The following DIDO1 variants were observed in gnomAD, a reference collection of about 807,000 sequenced individuals.
DIDO1 encodes death inducer-obliterator 1, also known as death-inducer obliterator 1.
Under a neutral mutation model 99.4 loss-of-function variants are expected in DIDO1, and 16 were observed. That is an observed-to-expected ratio of 0.16 (90% CI 0.11 to 0.24). The LOEUF is 0.24. Ranked by LOEUF, DIDO1 falls within the 10% of genes least tolerant of loss-of-function variation. The pLI is 1.00. For synonymous variants in DIDO1, 1,366 were observed against 1,239.1 expected, an observed-to-expected ratio of 1.10 and a Z score of -2.15; for missense variants, 2,996 against 3,014.0, an observed-to-expected ratio of 0.99 and a Z score of 0.14.
At chr20:62,920,655 C>T (rs545933421) in intron 1 of DIDO1, among the ~76,000 whole-genome samples, 11 of 152,294 alleles carry the variant, frequency 7.2e-5, no homozygotes, top group Admixed American at 4.6e-4. Flanking sequence ...GGGAGGCCCC[C>T]GGATCAAAGC....
At chr20:62,927,992 G>A (rs1285037805), upstream of DIDO1, among the ~76,000 whole-genome samples, 1 of 152,110 alleles carries the variant, frequency 6.6e-6, no homozygotes, top group African/African-American at 2.4e-5. Context: ...GAGATCTTGG[G>A]CAAGCTCTCT....
chr20:62,880,693 C>T lies in DIDO1; in HGVS notation c.5263G>A (p.Glu1755Lys), dbSNP rs1767361243. ...ATCCCCAAAGCATGAGGTCCAGGTT[C>T]CCGCTGACCCTGAAACGGGGGCTGA... ...GSQPPFQGQR[E>K]PGPHALGMSG... Residue 1755 changes from glutamate (E) to lysine (K), a missense_variant, in exon 16 of 16, where the codon GAA becomes AAA. Transcript: ENST00000395343. 2 of 1,612,654 alleles carry T rather than the reference C, an allele frequency of 1.2e-6. No individual in the cohort carries two copies. The highest frequency in any genetic ancestry group is 1.7e-6 in the Non-Finnish European group (2 of 1,179,944).
Position 62,905,615 on chromosome 20 carries a change from C to G in DIDO1, c.1588+272G>C, listed in dbSNP as rs61577719. On this transcript the variant is annotated intron_variant, in intron 6 of 15. Coordinates refer to ENST00000395343, the MANE Select transcript of DIDO1 (RefSeq NM_001193369.2). Reference sequence around the variant, plus strand: ...ACTTACCAGAGCCTGAGAGTGAAAACAGAGATTAAAGAATCAATCATTAAG... The same window carrying G: ...ACTTACCAGAGCCTGAGAGTGAAAAGAGAGATTAAAGAATCAATCATTAAG... 2,076 of 1,552,832 alleles carry G rather than the reference C, an allele frequency of 1.3e-3. 17 individuals carry two copies. The East Asian group carries it at 0.029, about 22-fold the overall frequency.
chr20:62,893,843 G>A lies in DIDO1; in HGVS notation c.2924C>T (p.Ser975Leu), dbSNP rs1481596757. ...TGCTGCGGAGGCCACGGCTGTGCATGAACTGCTTGGAGCGGTCCTGGGGTC... is the reference window on the plus strand; with the variant it reads ...TGCTGCGGAGGCCACGGCTGTGCATAAACTGCTTGGAGCGGTCCTGGGGTC... ...GRDPRTAPSSSCTAVASAASR... is the reference protein window; with the variant it reads ...GRDPRTAPSSLCTAVASAASR... The change falls in exon 12 of 16, where the codon TCA becomes TTA. Residue 975 changes from serine (S) to leucine (L), a missense_variant. Around this residue, in one of 5 missense-constraint regions of DIDO1, gnomAD observed 898 missense variants for 972.7 expected, o/e 0.92. Coordinates refer to ENST00000395343, the MANE Select transcript of DIDO1 (RefSeq NM_001193369.2). 1 of 1,613,900 alleles carries A rather than the reference G, an allele frequency of 6.2e-7. No individual in the cohort carries two copies. Among genetic ancestry groups the A allele is most frequent in the Non-Finnish European group, 8.5e-7 (1 of 1,180,054 alleles).
chr20:62,925,739 G>C (rs113307173), intron 1 of DIDO1, among the ~76,000 whole-genome samples: 1,591 of 152,334 alleles, frequency 0.01, 32 homozygotes, highest in African/African-American at 0.036. Context: ...CCGAGCGCAA[G>C]AGCGGGCCCT....
At position 62,893,689 on chromosome 20, in the gene DIDO1, T is replaced by G. The variant is rs1264984178; in HGVS notation, c.3078A>C (p.Ser1026=). Residue 1026 remains serine (S), a synonymous_variant, in exon 12 of 16, where the codon TCA becomes TCC. Transcript: ENST00000395343. ...ACCTGATATTTGGTGACGGAGGAAC[T>G]GACAGGTATCTTGGGTCAGGAGATG... is the stretch of plus-strand genomic sequence containing the variant. The part of the protein sequence containing the change: ...PSSSPDPRYL[S]VPPSPNISTS... The G allele has an allele frequency of 1.9e-6, 3 of 1,604,044 alleles. No homozygotes were observed. The South Asian group carries it at 3.3e-5, about 18-fold the overall frequency.
intron 15 of DIDO1, chr20:62,889,746 T>C (rs923638634): frequency 1.0e-6 from 1 of 985,314 alleles, no homozygotes; most frequent in Admixed American, 6.1e-5. Context: ...AGGTGGCATC[T>C]CTTTATCCCA....
At chr20:62,899,808 T>C (rs551199500) in intron 6 of DIDO1, among the ~76,000 whole-genome samples, 2 of 152,238 alleles carry the variant, frequency 1.3e-5, no homozygotes, top group African/African-American at 4.8e-5. Context: ...GAAAGCCCCA[T>C]TCCTGCTCTG....
upstream of DIDO1, among the ~76,000 whole-genome samples, chr20:62,931,260 T>C (rs548589075): frequency 2.8e-4 from 42 of 152,210 alleles, no homozygotes; most frequent in Non-Finnish European, 5.9e-5. Flanking sequence ...CTATATCTTC[T>C]GCTAAGGAGT....
In DIDO1 at chr20:62,877,997, G is replaced by A. The variant is rs574668305; in HGVS notation, c.*1236C>T. The stretch of plus-strand genomic sequence containing the variant: ...CCTACTTTAATGTAATTTAACCTAT[G>A]GACACTTGGCTTTCAACACCAAACA... On this transcript the variant is annotated 3_prime_UTR_variant, in exon 16 of 16. Transcript: ENST00000395343. 2.0e-5 allele frequency: 3 copies of A among 152,150 alleles called. No individual in the cohort carries two copies. The highest frequency in any genetic ancestry group is 7.2e-5 in the African/African-American group (3 of 41,530). The allele number at this position is 152,150 out of a possible 1,614,324, so 9.4% of individuals were successfully genotyped here.
upstream of DIDO1, chr20:62,928,887 C>CA (rs2065294471): frequency 6.6e-6 from 1 of 152,040 alleles, no homozygotes; most frequent in Non-Finnish European, 1.5e-5. Flanking sequence ...AATGTGTAGA[C>CA]ACCAGTTTCT....
At position 62,880,948 on chromosome 20, in the gene DIDO1, G is replaced by A. The variant is rs780405922; in HGVS notation, c.5008C>T (p.Pro1670Ser). The A allele has an allele frequency of 2.7e-5, 44 of 1,607,618 alleles. No homozygotes were observed. The highest frequency in any genetic ancestry group is 3.6e-5 in the Non-Finnish European group (42 of 1,179,678). The part of the protein sequence containing the change: ...LPTPPCGALQ[P>S]GFPLQHDGER... ...CCGTCGTGCTGCAGCGGGAAGCCGG[G>A]CTGCAGGGCGCCGCAAGGCGGTGTG... is the stretch of plus-strand genomic sequence containing the variant. Residue 1670 changes from proline (P) to serine (S), a missense_variant, in exon 16 of 16, where the codon CCC (proline) becomes TCC (serine). By Grantham distance (74) the Pro-to-Ser change is moderately conservative. Coordinates refer to ENST00000395343, the MANE Select transcript of DIDO1 (RefSeq NM_001193369.2).
chr20:62,887,842 A>G lies in DIDO1; in HGVS notation c.3541+3118T>C, dbSNP rs149437079. The G allele has an allele frequency of 2.6e-4, 258 of 985,422 alleles. 2 individuals carry two copies. In the African/African-American group the frequency reaches 3.9e-3, roughly 15 times the overall value. The allele number at this position is 985,422 out of a possible 1,614,324, so 61.0% of individuals were successfully genotyped here. ...GAGTGGGGTGAACATCTAGGTGGAG[A>G]AGGTCACCTGGAACCAGGCCTCCCA... On this transcript the variant is annotated intron_variant, in intron 15 of 15. Coordinates refer to ENST00000395343, the MANE Select transcript of DIDO1 (RefSeq NM_001193369.2).
In DIDO1 at chr20:62,894,526, G is replaced by T. The variant is rs761331024; in HGVS notation, c.2459C>A (p.Ala820Asp). ...CGGCGCTGTGCTCTTCTCAGGGACA[G>T]CACGTGCTGACTCTTGCTGTTCCTA... ...DSEEQQESAR[A>D]VPEKSTAPLL... Residue 820 changes from alanine to aspartate, a missense_variant, in exon 11 of 16, where the codon GCT becomes GAT. Coordinates refer to ENST00000395343, the MANE Select transcript of DIDO1 (RefSeq NM_001193369.2). The surrounding 1 kb of genome is among the most constrained non-coding windows in gnomAD (Gnocchi z 4.4). 6.2e-7 allele frequency: 1 copy of T among 1,612,618 alleles called. No homozygotes were observed. Among genetic ancestry groups the T allele is most frequent in the Non-Finnish European group, 8.5e-7 (1 of 1,179,974 alleles).
At chr20:62,901,513 TA>T (rs929968967) in intron 6 of DIDO1, among the ~76,000 whole-genome samples, 2 of 151,686 alleles carry the variant, frequency 1.3e-5, no homozygotes, top group African/African-American at 2.4e-5. Flanking sequence ...CTAAGTTGTT[TA>T]CTACTTAAAC....
Position 62,894,057 on chromosome 20 carries a change from G to A in DIDO1, c.2710C>T (p.Pro904Ser). 3 of 1,614,216 alleles carry A rather than the reference G, an allele frequency of 1.9e-6. No homozygotes were observed. Among genetic ancestry groups the A allele is most frequent in the African/African-American group, 1.3e-5 (1 of 75,068 alleles). The change falls in exon 12 of 16, where the codon CCG (proline) becomes TCG (serine). Residue 904 changes from proline (P) to serine (S), a missense_variant. This residue lies in a region of DIDO1 where 898 missense variants were observed against 972.7 expected (regional missense o/e 0.92). Coordinates refer to ENST00000395343, the MANE Select transcript of DIDO1 (RefSeq NM_001193369.2). This position sits in a 1 kb window ranked among gnomAD's most constrained non-coding sequence, Gnocchi z 4.4. Reference sequence around the variant, plus strand: ...GAGGCAACTTCAGGCACAGCCTCCGGCATCACCTCATCAGCTGAATCCGGA... The same window carrying A: ...GAGGCAACTTCAGGCACAGCCTCCGACATCACCTCATCAGCTGAATCCGGA... The part of the protein sequence containing the change: ...PAPDSADEVM[P>S]EAVPEVASEP...
intron 6 of DIDO1, among the ~76,000 whole-genome samples, chr20:62,901,266 T>G (rs1600966156): frequency 6.6e-6 from 1 of 152,206 alleles, no homozygotes; most frequent in Admixed American, 6.5e-5. Flanking sequence ...AAAGCTTTCC[T>G]TGGTCAGTTT....
At chr20:62,921,682 G>A (rs557338117) in intron 1 of DIDO1, among the ~76,000 whole-genome samples, 1 of 143,210 alleles carries the variant, frequency 7.0e-6, no homozygotes, top group African/African-American at 2.6e-5. Context: ...CAGGCTGGAG[G>A]GCAATGGAGC....
chr20:62,884,866 AGAG>A (rs567617012), intron 15 of DIDO1, among the ~76,000 whole-genome samples: 127 of 152,296 alleles, frequency 8.3e-4, no homozygotes, highest in African/African-American at 3.0e-3. Flanking sequence ...CTGGGTGGGC[AGAG>A]GAGGAGGGAA....
Sources: allele counts gnomAD v4.1 joint callset (sites outside exome capture counted in the v4.1 genomes callset), GRCh38; gene constraint gnomAD v4.1.1; regional missense constraint gnomAD v4.1.1; non-coding constraint Gnocchi (gnomAD v3.1); transcripts MANE v1.5; gene names NCBI Gene and HGNC (gene_info 2026-07-23, HGNC 2026-07-21).